The following ANO10 variants were observed in gnomAD, a reference collection of about 807,000 sequenced individuals.
ANO10 encodes anoctamin 10, also known as anoctamin-10.
Under a neutral mutation model 74.7 loss-of-function variants are expected in ANO10, and 77 were observed. The observed-to-expected ratio is 1.03, with a 90% CI of 0.86 to 1.25. The LOEUF is 1.25. ANO10 is among the 50% of genes most tolerant of loss of function. The pLI, the probability that ANO10 is intolerant of heterozygous loss-of-function variation, is 0.00. For missense variants in ANO10, 721 were observed against 778.1 expected, an observed-to-expected ratio of 0.93 and a Z score of 0.87; for synonymous variants, 279 against 284.9, an observed-to-expected ratio of 0.98 and a Z score of 0.21.
chr3:43,562,917 T>C (rs1204710319), intron 8 of ANO10, among the ~76,000 whole-genome samples: 2 of 152,122 alleles, frequency 1.3e-5, no homozygotes, highest in African/African-American at 4.8e-5. Flanking sequence ...TTCCCACCAT[T>C]TTATGGCTAG....
chr3:43,418,490 C>T (rs1316599455), intron 12 of ANO10, among the ~76,000 whole-genome samples: 2 of 152,176 alleles, frequency 1.3e-5, no homozygotes, highest in African/African-American at 4.8e-5. Flanking sequence ...GACCAATTTC[C>T]TTTTCTTTTT....
At position 43,543,419 on chromosome 3, in the gene ANO10, T is replaced by C. The variant is rs927830313; in HGVS notation, c.1797+6301A>G. On this transcript the variant is annotated intron_variant, in intron 11 of 12. Transcript: ENST00000292246. ...TTTTTTATTTTTTTGAGACGGAGTCTCGCTCTGTCACCCAGGCTGGAGTGC... is the reference window on the plus strand; with the variant it reads ...TTTTTTATTTTTTTGAGACGGAGTCCCGCTCTGTCACCCAGGCTGGAGTGC... Among the ~76,000 whole-genome samples, 3 of 152,338 alleles carry C rather than the reference T, an allele frequency of 2.0e-5. No homozygotes were observed. In the South Asian group the frequency reaches 6.2e-4, roughly 32 times the overall value.
chr3:43,638,047 G>A (rs1049671218), intron 1 of ANO10, among the ~76,000 whole-genome samples: 10 of 152,092 alleles, frequency 6.6e-5, no homozygotes, highest in Admixed American at 1.3e-4. Flanking sequence ...GAGATACGTC[G>A]TTTAATTGAA....
intron 1 of ANO10, among the ~76,000 whole-genome samples, chr3:43,655,435 G>A (rs2083837797): frequency 6.6e-6 from 1 of 152,174 alleles, no homozygotes; most frequent in Admixed American, 6.6e-5. Context: ...GTGAGCAGTA[G>A]CAAGATTTAT....
chr3:43,429,163 C>T (rs2092944518), intron 12 of ANO10, among the ~76,000 whole-genome samples: 1 of 152,074 alleles, frequency 6.6e-6, no homozygotes, highest in Non-Finnish European at 1.5e-5. Flanking sequence ...GCAAATATAA[C>T]ACTCCTGCAT....
At chr3:43,519,015 C>G (rs929546765) in intron 11 of ANO10, among the ~76,000 whole-genome samples, 3 of 152,136 alleles carry the variant, frequency 2.0e-5, no homozygotes, top group African/African-American at 7.2e-5. Context: ...TAAAAACTTG[C>G]TGGTTTTGCG....
At chr3:43,659,405 T>A (rs2083894158) in intron 1 of ANO10, among the ~76,000 whole-genome samples, 1 of 152,078 alleles carries the variant, frequency 6.6e-6, no homozygotes, top group African/African-American at 2.4e-5. Flanking sequence ...GGAGATCCCC[T>A]CCCGTGCCTG....
chr3:43,625,901 G>T (rs927117174), upstream of ANO10, among the ~76,000 whole-genome samples: 19 of 150,346 alleles, frequency 1.3e-4, 2 homozygotes, highest in Admixed American at 4.0e-4. Flanking sequence ...GGGTTGCATC[G>T]TACTTAGAAA....
At chr3:43,674,211 C>T (rs1447704081) in intron 1 of ANO10, among the ~76,000 whole-genome samples, 5 of 152,204 alleles carry the variant, frequency 3.3e-5, no homozygotes, top group Admixed American at 3.3e-4. Context: ...ATAATCATAG[C>T]TCACTGTAAT....
chr3:43,530,584 C>T (rs961781454), intron 11 of ANO10, among the ~76,000 whole-genome samples: 27 of 151,886 alleles, frequency 1.8e-4, no homozygotes, highest in African/African-American at 6.3e-4. Flanking sequence ...CCAAAAATAT[C>T]ATAGTATTTT....
At chr3:43,569,699 A>T (rs1468074896) in intron 7 of ANO10, among the ~76,000 whole-genome samples, 105 of 131,906 alleles carry the variant, frequency 8.0e-4, no homozygotes, top group African/African-American at 2.8e-3. Context: ...AAATAATAAG[A>T]GCTATCTATG....
intron 12 of ANO10, among the ~76,000 whole-genome samples, chr3:43,411,594 C>A (rs1334125480): frequency 1.3e-5 from 2 of 152,140 alleles, no homozygotes; most frequent in Non-Finnish European, 2.9e-5. Context: ...CCTCTCAGAG[C>A]AGGGCTGGCA....
chr3:43,408,073 G>A (rs2092606875), intron 12 of ANO10, among the ~76,000 whole-genome samples: 1 of 152,174 alleles, frequency 6.6e-6, no homozygotes, highest in African/African-American at 2.4e-5. Context: ...TCAGTCAGAG[G>A]GTTGTGGTAG....
At chr3:43,461,410 G>C (rs1028647717) in intron 11 of ANO10, among the ~76,000 whole-genome samples, 1 of 152,152 alleles carries the variant, frequency 6.6e-6, no homozygotes, top group Non-Finnish European at 1.5e-5. Context: ...TATTGGGAAA[G>C]TATATAAAAC....
intron 12 of ANO10, among the ~76,000 whole-genome samples, chr3:43,427,995 C>T (rs949389480): frequency 6.6e-6 from 1 of 151,838 alleles, no homozygotes; most frequent in African/African-American, 2.4e-5. Flanking sequence ...CTTGAGTCAG[C>T]AAAAGAGAGT....
intron 11 of ANO10, among the ~76,000 whole-genome samples, chr3:43,525,220 T>C (rs1360569545): frequency 6.6e-6 from 1 of 152,144 alleles, no homozygotes; most frequent in African/African-American, 2.4e-5. Context: ...CTCACATTCT[T>C]TCCTGCATCT....
At chr3:43,380,764 T>G (rs1423161669) in intron 12 of ANO10, among the ~76,000 whole-genome samples, 1 of 152,194 alleles carries the variant, frequency 6.6e-6, no homozygotes. Context: ...TCACAGGACC[T>G]ATAAAACACC....
chr3:43,485,964 AT>A, intron 11 of ANO10: 1 of 229,254 alleles, frequency 4.4e-6, no homozygotes, highest in South Asian at 4.6e-5. Context: ...AAATAAAAAT[AT>A]TTTACCCCAA....
chr3:43,452,647 C>A (rs1202833314), intron 11 of ANO10, among the ~76,000 whole-genome samples: 1 of 152,128 alleles, frequency 6.6e-6, no homozygotes, highest in African/African-American at 2.4e-5. Context: ...TATTAATGTG[C>A]AAGTTTTTGT....
Sources: gnomAD v4.1 joint callset for allele counts (sites outside exome capture counted in the v4.1 genomes callset) on GRCh38, gnomAD v4.1.1 for gene constraint, MANE v1.5 for transcripts, NCBI Gene and HGNC (gene_info 2026-07-23, HGNC 2026-07-21) for gene names.